Variants in SLC30A4 observed in about 807,000 individuals in gnomAD.
The protein encoded by SLC30A4 is solute carrier family 30 member 4, also known as probable proton-coupled zinc antiporter SLC30A4.
In SLC30A4, 20 loss-of-function variants were observed where a neutral mutation model predicts 41.7. The observed-to-expected ratio is 0.48, with a 90% CI of 0.34 to 0.70. SLC30A4 has a LOEUF of 0.70. Ranked by LOEUF, SLC30A4 falls within the 30% of genes least tolerant of loss-of-function variation. The pLI is 0.01. For synonymous variants in SLC30A4, 181 were observed against 195.9 expected (o/e 0.92, Z 0.64); for missense variants, 441 against 529.3 (o/e 0.83, Z 1.64).
At chr15:45,515,505 A>T (rs1595532119) in intron 2 of SLC30A4, among the ~76,000 whole-genome samples, 4 of 152,088 alleles carry the variant, frequency 2.6e-5, no homozygotes, top group Admixed American at 2.0e-4. Context: ...ATACAAAAAA[A>T]TAGCAGGCGT....
In SLC30A4 at chr15:45,486,710, C is replaced by G; in HGVS notation, c.1036G>C (p.Glu346Gln). 6.3e-7 allele frequency: 1 copy of G among 1,590,310 alleles called. No homozygotes were observed. Among genetic ancestry groups the G allele is most frequent in the Non-Finnish European group, 8.6e-7 (1 of 1,164,952 alleles). The change falls in exon 7 of 8, where the codon GAA becomes CAA. Residue 346 changes from glutamate to glutamine, a missense_variant. Physicochemically the swap from Glu to Gln is conservative, Grantham distance 29. Around this residue, in one of 3 missense-constraint regions of SLC30A4, gnomAD observed 100 missense variants for 121.0 expected, o/e 0.83. Coordinates refer to ENST00000261867, the MANE Select transcript of SLC30A4 (RefSeq NM_013309.6). Reference protein sequence around the residue: ...PSHLNVDYIKEALMKIEDVYS... With the variant: ...PSHLNVDYIKQALMKIEDVYS... ...ACATCTTCTATTTTCATCAAGGCTT[C>G]TTTGATATAGTCTACATTCAAATGG...
At chr15:45,493,028 T>A (rs1449353296) in intron 3 of SLC30A4, among the ~76,000 whole-genome samples, 1 of 152,192 alleles carries the variant, frequency 6.6e-6, no homozygotes, top group Non-Finnish European at 1.5e-5. Context: ...TCCCAGCACT[T>A]TGGGAGACCA....
chr15:45,492,212 CAAAAAAA>C (rs1163243140), intron 3 of SLC30A4, among the ~76,000 whole-genome samples: 3 of 68,004 alleles, frequency 4.4e-5, no homozygotes, highest in Non-Finnish European at 1.1e-4. Flanking sequence ...CTGTAGCATC[CAAAAAAA>C]AAAAAAAAAA....
chr15:45,520,228 G>GT (rs1475201435), intron 2 of SLC30A4, among the ~76,000 whole-genome samples: 1 of 151,578 alleles, frequency 6.6e-6, no homozygotes, highest in South Asian at 2.1e-4. Context: ...AAAAGTGTGG[G>GT]TTTTTTTAAT....
At chr15:45,499,480 G>A (rs1367172345) in intron 3 of SLC30A4, among the ~76,000 whole-genome samples, 7 of 151,714 alleles carry the variant, frequency 4.6e-5, no homozygotes, top group Non-Finnish European at 1.0e-4. Flanking sequence ...TATCTAATTC[G>A]CACAACCTCT....
chr15:45,522,554 G>A (rs966157310), intron 1 of SLC30A4, 53 bp downstream of exon 1: 2 of 510,414 alleles, frequency 3.9e-6, no homozygotes, highest in Non-Finnish European at 6.7e-6. Flanking sequence ...TCGCAGGGCC[G>A]ACCCCGACGC....
At chr15:45,501,575 A>T (rs1000929586) in intron 3 of SLC30A4, among the ~76,000 whole-genome samples, 1 of 152,156 alleles carries the variant, frequency 6.6e-6, no homozygotes, top group Admixed American at 6.5e-5. Context: ...CACATAGCTC[A>T]CTGCAGCCCT....
chr15:45,490,313 T>A (rs890576757), intron 4 of SLC30A4, among the ~76,000 whole-genome samples: 1 of 152,152 alleles, frequency 6.6e-6, no homozygotes, highest in African/African-American at 2.4e-5. Flanking sequence ...TGTCTTGAAC[T>A]CTAGAGCGCA....
In SLC30A4 at chr15:45,522,431, C is replaced by A; in HGVS notation, c.-77G>T. 7.0e-7 allele frequency: 1 copy of A among 1,424,850 alleles called. No individual in the cohort carries two copies. Among genetic ancestry groups the A allele is most frequent in the South Asian group, 1.4e-5 (1 of 72,022 alleles). The allele number at this position is 1,424,850 out of a possible 1,614,324, so 88.3% of individuals were successfully genotyped here. A position where few individuals can be genotyped will look rare whatever the true frequency, so the allele number is the denominator to read the frequency against. ...CGGCGGCGCCTACTTCACCGGAGCG[C>A]CAGTTCTCGAGGGCAGTGCCGCGCG... On this transcript the variant is annotated 5_prime_UTR_variant, in exon 2 of 8. Transcript: ENST00000261867.
In SLC30A4 at chr15:45,488,489, C is replaced by T. The variant is rs186391250; in HGVS notation, c.894+352G>A. Among the ~76,000 whole-genome samples the T allele has an allele frequency of 1.7e-3, 265 of 152,278 alleles. 1 individual carries two copies. Among genetic ancestry groups the T allele is most frequent in the Non-Finnish European group, 5.7e-4 (39 of 68,022 alleles). On this transcript the variant is annotated intron_variant, in intron 5 of 7. Transcript: ENST00000261867. ...TTGGGAGGCTGGGGCATGACAATCA[C>T]TTGAGCCTGGGAGGCGGAGGCTGCA...
At position 45,488,955 on chromosome 15, in the gene SLC30A4, A is replaced by C; in HGVS notation, c.780T>G (p.Cys260Trp). Residue 260 changes from cysteine (C) to tryptophan (W), a missense_variant, in exon 5 of 8, where the codon TGT becomes TGG. Cys to Trp is a radical substitution (Grantham distance 215). Transcript: ENST00000261867. ...GGCTATCCTGCCCATGGTTACGTTC[A>C]CACCCAGAACCTCTGGTAGGGGAAT... ...PSNSPTRGSGCERNHGQDSLA... is the reference protein window; with the variant it reads ...PSNSPTRGSGWERNHGQDSLA... 6.2e-7 allele frequency: 1 copy of C among 1,614,164 alleles called. No individual in the cohort carries two copies.
rs1262703625 is a variant in SLC30A4 at position 45,490,725 on chromosome 15, T to A, written c.692+3A>T. 1 of 1,590,616 alleles carries A rather than the reference T, an allele frequency of 6.3e-7. No individual in the cohort carries two copies. Among genetic ancestry groups the A allele is most frequent in the South Asian group, 1.2e-5 (1 of 86,920 alleles). ...ATATTAATGTGAAAAAAATAGAGCT[T>A]ACATTACATTAACTGCAACTCCAAC... On this transcript the variant is annotated splice_donor_region_variant and intron_variant, in intron 4 of 7. Coordinates refer to ENST00000261867, the MANE Select transcript of SLC30A4 (RefSeq NM_013309.6).
At chr15:45,515,000 C>G (rs1047507905) in intron 2 of SLC30A4, among the ~76,000 whole-genome samples, 1 of 151,520 alleles carries the variant, frequency 6.6e-6, no homozygotes, top group Non-Finnish European at 1.5e-5. Flanking sequence ...CCACCTCAGC[C>G]TCCTTTGTAG....
intron 2 of SLC30A4, among the ~76,000 whole-genome samples, chr15:45,520,361 C>T (rs1892627991): frequency 6.6e-6 from 1 of 152,064 alleles, no homozygotes; most frequent in African/African-American, 2.4e-5. Context: ...CTTCCGCCTC[C>T]CGGGTTCAAG....
At position 45,515,506 on chromosome 15, in the gene SLC30A4, T is replaced by C. The variant is rs542640800; in HGVS notation, c.392-4222A>G. 1.2e-4 allele frequency among the ~76,000 whole-genome samples: 18 copies of C among 151,758 alleles called. No individual in the cohort carries two copies. The South Asian group carries it at 3.5e-3, about 30-fold the overall frequency. ...CGTCTCTACCAAAAATACAAAAAAATAGCAGGCGTAGTGGTGGGTGCCTGT... is the reference window on the plus strand; with the variant it reads ...CGTCTCTACCAAAAATACAAAAAAACAGCAGGCGTAGTGGTGGGTGCCTGT... On this transcript the variant is annotated intron_variant, in intron 2 of 7. Transcript: ENST00000261867.
chr15:45,495,074 A>G (rs1595523959), intron 3 of SLC30A4, among the ~76,000 whole-genome samples: 1 of 151,684 alleles, frequency 6.6e-6, no homozygotes, highest in South Asian at 2.1e-4. Flanking sequence ...GATCACTTGG[A>G]GTTTGAGGCT....
At chr15:45,503,986 C>T (rs971472208) in intron 3 of SLC30A4, among the ~76,000 whole-genome samples, 1 of 151,916 alleles carries the variant, frequency 6.6e-6, no homozygotes, top group Non-Finnish European at 1.5e-5. Context: ...AATTTAAAAA[C>T]AAGAAAAAAT....
intron 3 of SLC30A4, among the ~76,000 whole-genome samples, chr15:45,506,053 A>G (rs1196179969): frequency 6.6e-6 from 1 of 152,010 alleles, no homozygotes; most frequent in Non-Finnish European, 1.5e-5. Flanking sequence ...CAAAAAATAC[A>G]AAAGTTAGCC....
intron 3 of SLC30A4, among the ~76,000 whole-genome samples, chr15:45,508,937 TTC>T (rs1892219420): frequency 6.6e-6 from 1 of 152,182 alleles, no homozygotes; most frequent in South Asian, 2.1e-4. Flanking sequence ...GTGTAGCATC[TTC>T]TGTGTTCTGT....
Sources: gnomAD v4.1 joint callset for allele counts (sites outside exome capture counted in the v4.1 genomes callset) on GRCh38, gnomAD v4.1.1 for gene constraint, gnomAD v4.1.1 regional missense constraint, MANE v1.5 for transcripts, NCBI Gene and HGNC (gene_info 2026-07-23, HGNC 2026-07-21) for gene names.